WWOX: variants seen among roughly 807,000 people sequenced by gnomAD.
The protein encoded by WWOX is WW domain-containing oxidoreductase.
A neutral mutation model predicts 46.2 loss-of-function variants in WWOX; 69 were observed. The ratio of observed to expected loss-of-function variants is 1.49; its 90% CI spans 1.23 to 1.82. The LOEUF (loss-of-function observed/expected upper bound fraction) is 1.82, where lower values mean the gene tolerates loss of function less well. Among genes scored for constraint, WWOX ranks in the 40% most tolerant of loss-of-function variants. The probability of loss-of-function intolerance (pLI) is 0.00; values close to 1 mark genes in which losing one functional copy is unlikely to be tolerated. For missense variants in WWOX, 919 were observed against 542.6 expected, an observed-to-expected ratio of 1.69 and a Z score of -6.89; for synonymous variants, 359 against 202.6, an observed-to-expected ratio of 1.77 and a Z score of -6.56.
intron 8 of WWOX, among the ~76,000 whole-genome samples, chr16:78,840,551 A>T (rs986121127): frequency 6.6e-6 from 1 of 152,170 alleles, no homozygotes; most frequent in Non-Finnish European, 1.5e-5. Flanking sequence ...TGTCAGCATT[A>T]AGCAGTATTG....
intron 8 of WWOX, among the ~76,000 whole-genome samples, chr16:78,810,332 C>T (rs1053764628): frequency 3.3e-5 from 5 of 152,194 alleles, no homozygotes; most frequent in African/African-American, 1.2e-4. Context: ...AATCACCTAC[C>T]CTGCCTCATA....
intron 8 of WWOX, among the ~76,000 whole-genome samples, chr16:78,798,838 A>T (rs1177472113): frequency 6.6e-6 from 1 of 152,192 alleles, no homozygotes; most frequent in African/African-American, 2.4e-5. Context: ...TCCATATCAG[A>T]TGCGGCCAAT....
intron 8 of WWOX, among the ~76,000 whole-genome samples, chr16:78,657,752 C>G (rs980386803): frequency 6.6e-6 from 1 of 152,174 alleles, no homozygotes; most frequent in Non-Finnish European, 1.5e-5. Context: ...GAGGCTCCCT[C>G]TCTTGGGCCA....
intron 8 of WWOX, among the ~76,000 whole-genome samples, chr16:78,827,316 G>A (rs2040117309): frequency 6.6e-6 from 1 of 152,146 alleles, no homozygotes. Context: ...AGCACCATGT[G>A]TGGGGGAAGC....
intron 4 of WWOX, among the ~76,000 whole-genome samples, chr16:78,128,528 C>G (rs1472359037): frequency 6.6e-6 from 1 of 152,172 alleles, no homozygotes; most frequent in East Asian, 1.9e-4. Flanking sequence ...CTGCCCAGGT[C>G]CTTACTTCTG....
intron 8 of WWOX, among the ~76,000 whole-genome samples, chr16:78,526,843 C>G (rs1219950267): frequency 6.6e-6 from 1 of 152,142 alleles, no homozygotes; most frequent in Non-Finnish European, 1.5e-5. Context: ...GAGGGAGGAG[C>G]CAGCCTGGCC....
At chr16:79,114,425 C>G (rs906247381) in intron 8 of WWOX, among the ~76,000 whole-genome samples, 1 of 151,400 alleles carries the variant, frequency 6.6e-6, no homozygotes, top group African/African-American at 2.4e-5. Flanking sequence ...CATGCATGCA[C>G]ATACCTACAT....
intron 5 of WWOX, among the ~76,000 whole-genome samples, chr16:78,375,643 C>G (rs144241702): frequency 1.3e-5 from 2 of 152,064 alleles, no homozygotes; most frequent in East Asian, 1.9e-4. Context: ...TTTGGAGGAC[C>G]CTCAGTAAAA....
intron 8 of WWOX, among the ~76,000 whole-genome samples, chr16:78,702,100 T>TTATATTTATA: frequency 1.2e-5 from 1 of 81,262 alleles, no homozygotes; most frequent in South Asian, 3.9e-4. Context: ...ATCTATAAAG[T>TTATATTTATA]TATATATATA....
chr16:79,136,641 A>G (rs925872564), intron 8 of WWOX, among the ~76,000 whole-genome samples: 3 of 152,168 alleles, frequency 2.0e-5, no homozygotes, highest in African/African-American at 4.8e-5. Context: ...TGGTCAGTGC[A>G]TGGATTCCAG....
rs138592510 is a variant in WWOX at position 79,056,836 on chromosome 16, C to G, written c.1057-154772C>G. ...TTAAAGGACAAATATCTGCTTCTTC[C>G]AAATTGTCATAGGAATAGTTCAAAG... On this transcript the variant is annotated intron_variant, in intron 8 of 8. Coordinates refer to ENST00000566780, the MANE Select transcript of WWOX (RefSeq NM_016373.4). 4.0e-3 allele frequency among the ~76,000 whole-genome samples: 608 copies of G among 152,248 alleles called. 16 individuals are homozygous for G. In the South Asian group the frequency reaches 0.055, roughly 14 times the overall value.
intron 8 of WWOX, among the ~76,000 whole-genome samples, chr16:78,853,217 A>T (rs1003431990): frequency 1.3e-5 from 2 of 151,952 alleles, no homozygotes; most frequent in African/African-American, 2.4e-5. Context: ...AATTATTATT[A>T]TTTTTTTCTT....
intron 8 of WWOX, among the ~76,000 whole-genome samples, chr16:78,905,361 G>A (rs1361231031): frequency 1.3e-5 from 2 of 152,200 alleles, no homozygotes; most frequent in Non-Finnish European, 2.9e-5. Context: ...AGTGACTGTT[G>A]ATGGACGCTT....
chr16:78,572,602 CAAA>C (rs35178787), intron 8 of WWOX, among the ~76,000 whole-genome samples: 4 of 41,504 alleles, frequency 9.6e-5, no homozygotes, highest in African/African-American at 3.5e-4. Flanking sequence ...GACTCTGTCT[CAAA>C]AAAAAAAAAA....
At chr16:78,866,840 A>G (rs1421181162) in intron 8 of WWOX, among the ~76,000 whole-genome samples, 1 of 152,182 alleles carries the variant, frequency 6.6e-6, no homozygotes, top group Non-Finnish European at 1.5e-5. Flanking sequence ...GTTTTTCTTA[A>G]AATAGTAGGG....
At chr16:79,127,664 C>T (rs112033705) in intron 8 of WWOX, among the ~76,000 whole-genome samples, 3,812 of 152,220 alleles carry the variant, frequency 0.025, 159 homozygotes, top group African/African-American at 0.084. Flanking sequence ...GTATGCACTC[C>T]GGTCGTTTTC....
intron 8 of WWOX, among the ~76,000 whole-genome samples, chr16:78,783,892 G>GATT (rs2050391761): frequency 6.8e-6 from 1 of 147,188 alleles, no homozygotes. Flanking sequence ...TAATGGTGAT[G>GATT]ATGGTGATGA....
chr16:78,782,254 C>A (rs1042699338), intron 8 of WWOX, among the ~76,000 whole-genome samples: 1 of 152,208 alleles, frequency 6.6e-6, no homozygotes, highest in Non-Finnish European at 1.5e-5. Flanking sequence ...CTTCTGTCTT[C>A]CCTCTAGTGA....
intron 8 of WWOX, among the ~76,000 whole-genome samples, chr16:79,096,436 G>A (rs748132114): frequency 2.6e-5 from 4 of 151,988 alleles, no homozygotes; most frequent in Non-Finnish European, 2.9e-5. Flanking sequence ...AGCTGTGCGG[G>A]CCTCCCTGCT....
Sources: allele counts gnomAD v4.1 joint callset (sites outside exome capture counted in the v4.1 genomes callset), GRCh38; gene constraint gnomAD v4.1.1; transcripts MANE v1.5; gene names NCBI Gene and HGNC (gene_info 2026-07-23, HGNC 2026-07-21).